The following THSD7B variants were observed in gnomAD, a reference collection of about 807,000 sequenced individuals.
THSD7B encodes thrombospondin type-1 domain-containing protein 7B.
In THSD7B, 138 loss-of-function variants were observed where a neutral mutation model predicts 213.6. That is an observed-to-expected ratio of 0.65 (90% CI 0.56 to 0.74). THSD7B has a LOEUF of 0.74. Among genes scored for constraint, THSD7B ranks in the 30% least tolerant of loss-of-function variants. THSD7B has a pLI of 0.00. For synonymous variants in THSD7B, 742 were observed against 687.0 expected (o/e 1.08, Z -1.25); for missense variants, 1,931 against 1,991.5 (o/e 0.97, Z 0.58).
chr2:137,212,253 A>G (rs1175123870), intron 7 of THSD7B, among the ~76,000 whole-genome samples: 1 of 152,044 alleles, frequency 6.6e-6, no homozygotes, highest in Non-Finnish European at 1.5e-5. Context: ...ATAGTTTCAT[A>G]GGTGGTTTCT....
At chr2:137,481,248 G>C (rs370742538) in intron 15 of THSD7B, among the ~76,000 whole-genome samples, 24 of 152,130 alleles carry the variant, frequency 1.6e-4, no homozygotes, top group African/African-American at 5.1e-4. Context: ...ACAACTCTTA[G>C]TTAAGACATA....
At chr2:137,647,231 T>C (rs775396022) in intron 21 of THSD7B, among the ~76,000 whole-genome samples, 4 of 152,160 alleles carry the variant, frequency 2.6e-5, no homozygotes, top group Admixed American at 6.5e-5. Flanking sequence ...ATCTAGACAA[T>C]GCAGTTTGGG....
chr2:136,793,573 T>C (rs1485215108), intron 1 of THSD7B, among the ~76,000 whole-genome samples: 1 of 152,044 alleles, frequency 6.6e-6, no homozygotes, highest in African/African-American at 2.4e-5. Flanking sequence ...ACTTATGCCA[T>C]GTTGATTGAC....
chr2:137,028,939 C>G (rs1385935910), intron 2 of THSD7B, among the ~76,000 whole-genome samples: 1 of 151,978 alleles, frequency 6.6e-6, no homozygotes, highest in African/African-American at 2.4e-5. Context: ...TCCCTCCAAG[C>G]AAAGAAAACC....
chr2:137,538,641 A>G, intron 15 of THSD7B: 2 of 347,654 alleles, frequency 5.8e-6, no homozygotes, highest in Non-Finnish European at 1.1e-5. Flanking sequence ...TTCCTCCCAT[A>G]GAAGAGTCAC....
chr2:137,420,538 ATTTT>A (rs1196512301), intron 14 of THSD7B, among the ~76,000 whole-genome samples: 2 of 151,972 alleles, frequency 1.3e-5, no homozygotes, highest in Non-Finnish European at 2.9e-5. Context: ...TACTTCTCCT[ATTTT>A]ACCTATCTTA....
At chr2:136,868,294 C>T (rs1438468653) in intron 1 of THSD7B, among the ~76,000 whole-genome samples, 1 of 152,164 alleles carries the variant, frequency 6.6e-6, no homozygotes, top group African/African-American at 2.4e-5. Flanking sequence ...TCAAATAACA[C>T]TCCATTCTTG....
At chr2:137,600,379 T>G (rs1316981621) in intron 17 of THSD7B, among the ~76,000 whole-genome samples, 1 of 152,218 alleles carries the variant, frequency 6.6e-6, no homozygotes, top group Non-Finnish European at 1.5e-5. Context: ...TATTGCCTAA[T>G]ATTTACTGTA....
chr2:137,620,848 A>C, intron 20 of THSD7B, 122 bp downstream of exon 20: 1 of 752,378 alleles, frequency 1.3e-6, no homozygotes, highest in South Asian at 1.9e-5. Context: ...AAACTGACCC[A>C]CAGGGGAAGA....
Position 137,405,696 on chromosome 2 carries a change from C to G in THSD7B, c.2584C>G (p.Gln862Glu). The G allele has an allele frequency of 6.2e-7, 1 of 1,613,646 alleles. No homozygotes were observed. The highest frequency in any genetic ancestry group is 8.5e-7 in the Non-Finnish European group (1 of 1,179,790). Residue 862 changes from glutamine (Q) to glutamate (E), a missense_variant, in exon 13 of 28, where the codon CAA becomes GAA. Physicochemically the swap from Gln to Glu is conservative, Grantham distance 29 (BLOSUM62 2). Transcript: ENST00000409968. ...GACAAACGGCATGCCTCTCCTTGTGCAAGAATGCACAGTCCCATGTCGAGA... is the reference window on the plus strand; with the variant it reads ...GACAAACGGCATGCCTCTCCTTGTGGAAGAATGCACAGTCCCATGTCGAGA... ...KQTNGMPLLV[Q>E]ECTVPCREDC... is the part of the protein sequence containing the mutation.
At chr2:136,819,624 C>T (rs1309530430) in intron 1 of THSD7B, among the ~76,000 whole-genome samples, 1 of 152,140 alleles carries the variant, frequency 6.6e-6, no homozygotes, top group East Asian at 1.9e-4. Flanking sequence ...GCCATCTGAG[C>T]CACCACCTGG....
At chr2:136,803,655 A>C (rs1182314631) in intron 1 of THSD7B, among the ~76,000 whole-genome samples, 3 of 152,204 alleles carry the variant, frequency 2.0e-5, no homozygotes, top group Non-Finnish European at 2.9e-5. Flanking sequence ...ATGTAAGAAG[A>C]GATTTATTAT....
intron 21 of THSD7B, among the ~76,000 whole-genome samples, chr2:137,650,730 A>G (rs1465483339): frequency 6.6e-6 from 1 of 152,136 alleles, no homozygotes; most frequent in Non-Finnish European, 1.5e-5. Flanking sequence ...GTCATATGAA[A>G]TCTTTACTAT....
chr2:137,317,433 C>G (rs1381005294), intron 12 of THSD7B, among the ~76,000 whole-genome samples: 1 of 152,186 alleles, frequency 6.6e-6, no homozygotes, highest in South Asian at 2.1e-4. Flanking sequence ...ACTGGACTAT[C>G]TATTTTTAGA....
intron 17 of THSD7B, among the ~76,000 whole-genome samples, chr2:137,588,344 C>T (rs115872651): frequency 0.02 from 2,993 of 152,314 alleles, 45 homozygotes; most frequent in Middle Eastern, 0.071. Context: ...CACCGTCCTG[C>T]ACCCATTGTC....
chr2:137,151,681 A>C (rs1264684731), intron 5 of THSD7B, among the ~76,000 whole-genome samples: 1 of 152,230 alleles, frequency 6.6e-6, no homozygotes, highest in African/African-American at 2.4e-5. Flanking sequence ...CAAACCAGTA[A>C]TACAATTATT....
At chr2:137,469,881 A>C (rs1688060002) in intron 15 of THSD7B, among the ~76,000 whole-genome samples, 1 of 152,210 alleles carries the variant, frequency 6.6e-6, no homozygotes, top group South Asian at 2.1e-4. Context: ...GGAAGTGAGA[A>C]GTAGTTTTAA....
intron 2 of THSD7B, among the ~76,000 whole-genome samples, chr2:136,913,129 A>G (rs944845164): frequency 2.0e-5 from 3 of 152,208 alleles, no homozygotes; most frequent in African/African-American, 7.2e-5. Context: ...GAAATGAGGA[A>G]CTTTTTGGGA....
At chr2:137,546,521 A>G (rs1264395179) in intron 15 of THSD7B, among the ~76,000 whole-genome samples, 2 of 108,562 alleles carry the variant, frequency 1.8e-5, no homozygotes, top group Non-Finnish European at 3.6e-5. Flanking sequence ...AGCACAGAGG[A>G]TAAACCAGGG....
Sources: gnomAD v4.1 joint callset for allele counts (sites outside exome capture counted in the v4.1 genomes callset) on GRCh38, gnomAD v4.1.1 for gene constraint, MANE v1.5 for transcripts, NCBI Gene and HGNC (gene_info 2026-07-23, HGNC 2026-07-21) for gene names.